Variants in CR1 observed in about 807,000 individuals in gnomAD.
The protein encoded by CR1 is complement C3b/C4b receptor 1 (Knops blood group).
Under a neutral mutation model 187.3 loss-of-function variants are expected in CR1, and 116 were observed. The observed-to-expected ratio is 0.62, with a 90% CI of 0.53 to 0.72. The LOEUF (loss-of-function observed/expected upper bound fraction) is 0.72, where lower values mean the gene tolerates loss of function less well. Ranked by LOEUF, CR1 falls within the 30% of genes least tolerant of loss-of-function variation. The pLI is 0.00. For synonymous variants in CR1, 576 were observed against 747.1 expected, an observed-to-expected ratio of 0.77 and a Z score of 3.73; for missense variants, 1,731 against 2,110.7, an observed-to-expected ratio of 0.82 and a Z score of 3.52.
In CR1 at chr1:207,640,652, C is replaced by A. The variant is rs922247457; in HGVS notation, c.*1243C>A. On this transcript the variant is annotated 3_prime_UTR_variant, in exon 47 of 47. Coordinates refer to ENST00000367049, the MANE Select transcript of CR1 (RefSeq NM_000651.6). The stretch of plus-strand genomic sequence containing the variant: ...GTTCTGATATTTTTAAAATAAGTGA[C>A]CTTGTGTTCTTTAACCAGTCCACAT... The A allele has an allele frequency of 4.6e-5, 7 of 152,008 alleles. No homozygotes were observed. Among genetic ancestry groups the A allele is most frequent in the Admixed American group, 3.3e-4 (5 of 15,278 alleles). 9.4% of individuals were successfully genotyped at this position (152,008 alleles called of 1,614,324 possible).
At chr1:207,603,893 G>T (rs1172850845) in intron 35 of CR1, among the ~76,000 whole-genome samples, 1 of 152,140 alleles carries the variant, frequency 6.6e-6, no homozygotes, top group Non-Finnish European at 1.5e-5. Flanking sequence ...TTCAAAGACA[G>T]CTTAAGGATT....
chr1:207,508,691 A>G (rs1434312997), intron 3 of CR1, among the ~76,000 whole-genome samples: 1 of 152,010 alleles, frequency 6.6e-6, no homozygotes, highest in Non-Finnish European at 1.5e-5. Flanking sequence ...TATTCCCTGC[A>G]TGTGAATCTG....
chr1:207,590,280 G>C (rs903039987), intron 35 of CR1, among the ~76,000 whole-genome samples: 1 of 152,214 alleles, frequency 6.6e-6, no homozygotes, highest in South Asian at 2.1e-4. Context: ...AACCCTACAA[G>C]CCAGAAGAGA....
At chr1:207,573,324 C>G (rs1660636000) in intron 27 of CR1, among the ~76,000 whole-genome samples, 1 of 152,150 alleles carries the variant, frequency 6.6e-6, no homozygotes, top group South Asian at 2.1e-4. Context: ...CAGCATAGGC[C>G]TCACAGACCA....
chr1:207,511,788 A>G, intron 4 of CR1, 134 bp downstream of exon 4: 1 of 762,508 alleles, frequency 1.3e-6, no homozygotes. Context: ...AATGTTCTCG[A>G]ATATTCCTAT....
At chr1:207,500,843 G>A (rs1218114987) in intron 1 of CR1, among the ~76,000 whole-genome samples, 1 of 152,104 alleles carries the variant, frequency 6.6e-6, no homozygotes, top group Non-Finnish European at 1.5e-5. Context: ...GTTTGTAATA[G>A]CCAACACGTG....
intron 43 of CR1, among the ~76,000 whole-genome samples, chr1:207,620,632 C>G (rs1662288247): frequency 6.6e-6 from 1 of 152,054 alleles, no homozygotes; most frequent in African/African-American, 2.4e-5. Flanking sequence ...CTCCCCATCT[C>G]TTATGACTCT....
Position 207,496,226 on chromosome 1 carries a change from T to C in CR1, c.-42T>C. On this transcript the variant is annotated 5_prime_UTR_variant, in exon 1 of 47. Transcript: ENST00000367049. Reference sequence around the variant, plus strand: ...CTGAGCTTTTCCTCTTATTTCAGTTTTCTTCGAGATCAAATCTGGTTTGTA... The same window carrying C: ...CTGAGCTTTTCCTCTTATTTCAGTTCTCTTCGAGATCAAATCTGGTTTGTA... 1 of 1,613,452 alleles carries C rather than the reference T, an allele frequency of 6.2e-7. No homozygotes were observed. Among genetic ancestry groups the C allele is most frequent in the Non-Finnish European group, 8.5e-7 (1 of 1,179,716 alleles).
At chr1:207,582,042 G>T in intron 32 of CR1, 39 bp downstream of exon 32, 1 of 1,480,462 alleles carries the variant, frequency 6.8e-7, no homozygotes, top group Non-Finnish European at 9.3e-7. Flanking sequence ...GGATCTTTCT[G>T]TTTTTTTCTT....
intron 3 of CR1, chr1:207,507,530 G>C (rs1301246538): frequency 6.6e-6 from 1 of 152,298 alleles, no homozygotes; most frequent in Middle Eastern, 3.4e-3. Context: ...TAATGGATTA[G>C]CGCCCACACT....
chr1:207,626,249 A>G (rs1266349420), intron 45 of CR1, among the ~76,000 whole-genome samples: 1 of 152,186 alleles, frequency 6.6e-6, no homozygotes, highest in Non-Finnish European at 1.5e-5. Context: ...ACAAAACACC[A>G]CTGATTTTCA....
chr1:207,590,611 T>C (rs1006206968), intron 35 of CR1, among the ~76,000 whole-genome samples: 2 of 152,148 alleles, frequency 1.3e-5, no homozygotes, highest in Non-Finnish European at 2.9e-5. Context: ...CACATAACAA[T>C]TCTAACATTA....
intron 29 of CR1, among the ~76,000 whole-genome samples, chr1:207,579,204 A>G (rs1660859486): frequency 6.6e-6 from 1 of 152,224 alleles, no homozygotes; most frequent in Admixed American, 6.5e-5. Context: ...GTCTTATTTA[A>G]TGGCTTGTGT....
chr1:207,578,792 T>C (rs532373102), intron 29 of CR1, among the ~76,000 whole-genome samples: 1 of 152,374 alleles, frequency 6.6e-6, no homozygotes, highest in South Asian at 2.1e-4. Flanking sequence ...ACAGAAATCA[T>C]AGCCTCAGAA....
chr1:207,622,034 T>C (rs1271869272), intron 44 of CR1, 38 bp downstream of exon 44: 3 of 1,545,402 alleles, frequency 1.9e-6, no homozygotes, highest in Non-Finnish European at 2.7e-6. Flanking sequence ...AATTCTGGCA[T>C]CTATAACAGT....
rs372483656 is a variant in CR1, at chr1:207,609,268, A to G, written c.5897-22A>G. The G allele has an allele frequency of 8.4e-6, 13 of 1,550,584 alleles. No individual in the cohort carries two copies. In the African/African-American group the frequency reaches 1.6e-4, roughly 20 times the overall value. ...TCATTATTAAAAAATAAGCTGTTTTACCATACTCTTCCTTCTCTCAGTCAT... is the reference window on the plus strand; with the variant it reads ...TCATTATTAAAAAATAAGCTGTTTTGCCATACTCTTCCTTCTCTCAGTCAT... On this transcript the variant is annotated intron_variant, in intron 36 of 46. Transcript: ENST00000367049.
chr1:207,634,888 G>A (rs547172077), intron 46 of CR1, among the ~76,000 whole-genome samples: 16 of 152,126 alleles, frequency 1.1e-4, no homozygotes, highest in East Asian at 1.9e-4. Context: ...TTCTGTTATG[G>A]GTGACCTGTA....
chr1:207,621,927 T>G, intron 43 of CR1, 46 bp from the exon 44 acceptor site: 1 of 1,527,406 alleles, frequency 6.5e-7, no homozygotes. Flanking sequence ...TGTTCAATCA[T>G]GTTGCATGCC....
At position 207,565,901 on chromosome 1, in the gene CR1, T is replaced by C. The variant is rs375302843; in HGVS notation, c.3930T>C (p.Asn1310=). ...TGGCTGGAATGGAAAGCCTTTGGAA[T>C]AGCAGTGTTCCAGTGTGTGAACGTG... The part of the protein sequence containing the change: ...CVLAGMESLW[N]SSVPVCEQIF... Residue 1310 remains asparagine (N), a synonymous_variant, in exon 24 of 47, where the codon AAT becomes AAC. Transcript: ENST00000367049. 6.8e-5 allele frequency: 110 copies of C among 1,611,046 alleles called. 1 individual carries two copies. The highest frequency in any genetic ancestry group is 1.6e-4 in the Middle Eastern group (1 of 6,078).
Sources: allele counts gnomAD v4.1 joint callset (sites outside exome capture counted in the v4.1 genomes callset), GRCh38; gene constraint gnomAD v4.1.1; transcripts MANE v1.5; gene names NCBI Gene and HGNC (gene_info 2026-07-23, HGNC 2026-07-21).